The following TMEM116 variants were observed in gnomAD, a reference collection of about 807,000 sequenced individuals.
TMEM116 encodes the protein transmembrane protein 116.
Under a neutral mutation model 44.3 loss-of-function variants are expected in TMEM116, and 38 were observed. That is an observed-to-expected ratio of 0.86 (90% CI 0.66 to 1.12). The LOEUF (loss-of-function observed/expected upper bound fraction) is 1.12. Ranked by LOEUF, TMEM116 falls within the 50% of genes most tolerant of loss-of-function variation. TMEM116 has a pLI of 0.00. For synonymous variants in TMEM116, 132 were observed against 144.8 expected (o/e 0.91, Z 0.64); for missense variants, 354 against 401.7 (o/e 0.88, Z 1.01).
At chr12:111,986,866 T>C (rs999527955) in intron 4 of TMEM116, among the ~76,000 whole-genome samples, 2 of 152,076 alleles carry the variant, frequency 1.3e-5, no homozygotes, top group Admixed American at 1.3e-4. Flanking sequence ...AAGAATGAAG[T>C]TGGACCCTTA....
chr12:112,003,625 A>T, intron 3 of TMEM116, 175 bp downstream of exon 3: 1 of 724,066 alleles, frequency 1.4e-6, no homozygotes, highest in Non-Finnish European at 2.0e-6. Context: ...TAAAATAATT[A>T]CCTAGAAGAA....
At chr12:112,005,997 A>G in intron 1 of TMEM116, 1 of 985,904 alleles carries the variant, frequency 1.0e-6, no homozygotes, top group Non-Finnish European at 1.2e-6. Flanking sequence ...GAAAGGTCAT[A>G]GGGACTTCAG....
At chr12:111,992,358 C>G (rs570234037) in intron 3 of TMEM116, among the ~76,000 whole-genome samples, 2 of 151,818 alleles carry the variant, frequency 1.3e-5, no homozygotes, top group African/African-American at 4.8e-5. Context: ...CAAGCTCTGC[C>G]TCCTGGGTTC....
At chr12:111,988,201 G>A (rs188060587) in intron 4 of TMEM116, among the ~76,000 whole-genome samples, 1 of 152,290 alleles carries the variant, frequency 6.6e-6, no homozygotes, top group East Asian at 1.9e-4. Flanking sequence ...ATTGTTTAAT[G>A]GTACACAGCT....
intron 4 of TMEM116, among the ~76,000 whole-genome samples, chr12:111,959,994 G>A (rs1484190559): frequency 5.3e-5 from 8 of 152,164 alleles, no homozygotes; most frequent in African/African-American, 1.7e-4. Context: ...TCTAGACCAA[G>A]CGGACCTAAT....
At chr12:112,010,521 C>G (rs2077787318) in intron 1 of TMEM116, 1 of 152,264 alleles carries the variant, frequency 6.6e-6, no homozygotes, top group Non-Finnish European at 1.5e-5. Flanking sequence ...ATCAGGTATT[C>G]AGTTCTCAGT....
At chr12:111,986,371 G>T (rs892973062) in intron 4 of TMEM116, among the ~76,000 whole-genome samples, 1 of 151,230 alleles carries the variant, frequency 6.6e-6, no homozygotes, top group African/African-American at 2.4e-5. Flanking sequence ...AAAGAAAAAA[G>T]AATAAAAAGT....
At chr12:111,941,582 G>A (rs911471876) in intron 5 of TMEM116, among the ~76,000 whole-genome samples, 1 of 152,086 alleles carries the variant, frequency 6.6e-6, no homozygotes, top group African/African-American at 2.4e-5. Flanking sequence ...CATATAGCTA[G>A]TAGCTACTGA....
chr12:112,005,002 T>C (rs1038086309), intron 2 of TMEM116, among the ~76,000 whole-genome samples: 1 of 152,212 alleles, frequency 6.6e-6, no homozygotes, highest in Admixed American at 6.5e-5. Flanking sequence ...GTAAGCACTT[T>C]GCTATTGATT....
At position 111,991,893 on chromosome 12, in the gene TMEM116, T is replaced by G. The variant is rs1041868147; in HGVS notation, c.79-4A>C. 2 of 1,534,186 alleles carry G rather than the reference T, an allele frequency of 1.3e-6. No homozygotes were observed. Among genetic ancestry groups the G allele is most frequent in the African/African-American group, 2.7e-5 (2 of 72,956 alleles). ...TCAGATAAAAAAGTGGTCTTATCTGTCAAAGTAATAAAATCCTCATTTCAT... is the reference window on the plus strand; with the variant it reads ...TCAGATAAAAAAGTGGTCTTATCTGGCAAAGTAATAAAATCCTCATTTCAT... On this transcript the variant is annotated splice_region_variant and splice_polypyrimidine_tract_variant and intron_variant, in intron 3 of 10. Coordinates refer to ENST00000552374, the MANE Select transcript of TMEM116 (RefSeq NM_001193531.2).
rs571008332 is a variant in TMEM116 at position 111,972,053 on chromosome 12, T to C, written c.210+19705A>G. ...TCATGCCACTACACTCCAGCCTAGG[T>C]GACAGAATGACACCCTATCTGTGAA... is the stretch of plus-strand genomic sequence containing the variant. On this transcript the variant is annotated intron_variant, in intron 4 of 10. Transcript: ENST00000552374. 4.0e-5 allele frequency among the ~76,000 whole-genome samples: 5 copies of C among 126,000 alleles called. 1 individual carries two copies. The highest frequency in any genetic ancestry group is 1.6e-4 in the African/African-American group (5 of 31,844). The allele number at this position is 126,000 out of a possible 152,430, so 82.7% of individuals were successfully genotyped here. A position where few individuals can be genotyped will look rare whatever the true frequency, so the allele number is the denominator to read the frequency against.
At chr12:112,010,671 T>G (rs921944931) in intron 1 of TMEM116, 1 of 152,200 alleles carries the variant, frequency 6.6e-6, no homozygotes, top group Non-Finnish European at 1.5e-5. Context: ...GCAGGGAGGG[T>G]AGGTCCTTTT....
intron 4 of TMEM116, among the ~76,000 whole-genome samples, chr12:111,976,227 C>T (rs2075664727): frequency 6.6e-6 from 1 of 152,120 alleles, no homozygotes; most frequent in East Asian, 1.9e-4. Context: ...AGGATGGTCT[C>T]GAACTCCTGA....
intron 4 of TMEM116, among the ~76,000 whole-genome samples, chr12:111,947,465 A>G (rs2073378973): frequency 6.6e-6 from 1 of 152,206 alleles, no homozygotes; most frequent in African/African-American, 2.4e-5. Context: ...GTCAAAAGGT[A>G]AGTGATGTTA....
intron 4 of TMEM116, among the ~76,000 whole-genome samples, chr12:111,950,878 C>G (rs1400516166): frequency 1.3e-5 from 2 of 152,074 alleles, no homozygotes; most frequent in Non-Finnish European, 2.9e-5. Context: ...GAGAAATTAC[C>G]AACAGAGTAA....
At chr12:111,950,045 G>A (rs1279309611) in intron 4 of TMEM116, among the ~76,000 whole-genome samples, 2 of 152,100 alleles carry the variant, frequency 1.3e-5, no homozygotes, top group Non-Finnish European at 2.9e-5. Context: ...AACCTGGAAG[G>A]CAGAGGTTTC....
chr12:111,931,587 A>C lies in TMEM116; in HGVS notation c.*34T>G. 6.3e-7 allele frequency: 1 copy of C among 1,589,270 alleles called. No individual in the cohort carries two copies. Among genetic ancestry groups the C allele is most frequent in the Non-Finnish European group, 8.6e-7 (1 of 1,157,624 alleles). ...TCTTTCCAATCCATTAGCGTAGAAT[A>C]ACTCCAGTTCCTGGATGTTCCAGTA... is the stretch of plus-strand genomic sequence containing the variant. On this transcript the variant is annotated 3_prime_UTR_variant, in exon 11 of 11. Coordinates refer to ENST00000552374, the MANE Select transcript of TMEM116 (RefSeq NM_001193531.2).
At chr12:111,956,227 A>C (rs1249029089) in intron 4 of TMEM116, among the ~76,000 whole-genome samples, 1 of 152,198 alleles carries the variant, frequency 6.6e-6, no homozygotes, top group Non-Finnish European at 1.5e-5. Context: ...GGAACTCAAT[A>C]ACTGCAGCCA....
chr12:111,934,298 A>G (rs2071942488), intron 8 of TMEM116: 1 of 341,354 alleles, frequency 2.9e-6, no homozygotes, highest in Admixed American at 4.3e-5. Flanking sequence ...ACCTCTGGGC[A>G]TTTCCCCCCA....
Sources: gnomAD v4.1 joint callset for allele counts (sites outside exome capture counted in the v4.1 genomes callset) on GRCh38, gnomAD v4.1.1 for gene constraint, MANE v1.5 for transcripts, NCBI Gene and HGNC (gene_info 2026-07-23, HGNC 2026-07-21) for gene names.